The following TSEN2 variants were observed in gnomAD, a reference collection of about 807,000 sequenced individuals.
The protein encoded by TSEN2 is tRNA-splicing endonuclease subunit Sen2.
TSEN2 carries 54 observed loss-of-function variants against 59.2 expected under a neutral mutation model. The observed-to-expected ratio is 0.91, with a 90% CI of 0.73 to 1.14. The LOEUF is 1.14. Among genes scored for constraint, TSEN2 ranks in the 50% most tolerant of loss-of-function variants. TSEN2 has a pLI of 0.00. For synonymous variants in TSEN2, 195 were observed against 198.2 expected, an observed-to-expected ratio of 0.98 and a Z score of 0.14; for missense variants, 636 against 576.2, an observed-to-expected ratio of 1.10 and a Z score of -1.06.
At chr3:12,518,687 A>G (rs1024528493) in intron 7 of TSEN2, among the ~76,000 whole-genome samples, 2 of 148,438 alleles carry the variant, frequency 1.3e-5, no homozygotes, top group Non-Finnish European at 3.0e-5. Context: ...AAGATATTGA[A>G]ATAGTTTATA....
At chr3:12,509,900 C>G (rs184154429) in intron 6 of TSEN2, among the ~76,000 whole-genome samples, 166 of 152,184 alleles carry the variant, frequency 1.1e-3, no homozygotes, top group African/African-American at 3.6e-3. Context: ...ATTCAGATGC[C>G]GAAGGGTAAT....
chr3:12,503,329 C>T lies in TSEN2; in HGVS notation c.376C>T (p.Arg126Cys), dbSNP rs151133206. Residue 126 changes from arginine to cysteine, a missense_variant, in exon 5 of 12, where the codon CGC (arginine) becomes TGC (cysteine). Arg to Cys is a radical substitution (Grantham distance 180). Coordinates refer to ENST00000284995, the MANE Select transcript of TSEN2 (RefSeq NM_025265.4). The part of the protein sequence containing the change: ...RRQGQDESTV[R>C]RILKDYTKPL... ...ACAGGGGCAGGATGAGAGTACAGTGCGCAGAATCCTCAAGGATTACACGAA... is the reference window on the plus strand; with the variant it reads ...ACAGGGGCAGGATGAGAGTACAGTGTGCAGAATCCTCAAGGATTACACGAA... The T allele has an allele frequency of 1.6e-4, 258 of 1,614,144 alleles. 1 individual carries two copies. The African/African-American group carries it at 2.0e-3, about 13-fold the overall frequency.
At chr3:12,516,531 A>G (rs2056138270) in intron 6 of TSEN2, 80 bp from the exon 7 acceptor site, 8 of 1,371,952 alleles carry the variant, frequency 5.8e-6, no homozygotes, top group Non-Finnish European at 7.3e-6. Context: ...TTTGAGGTGA[A>G]AAGAGATCAG....
chr3:12,521,802 G>A (rs1318495528), intron 8 of TSEN2, among the ~76,000 whole-genome samples: 2 of 152,200 alleles, frequency 1.3e-5, no homozygotes, highest in Non-Finnish European at 2.9e-5. Context: ...ATGAGGTCAG[G>A]AGATCGAGAC....
chr3:12,516,438 CAAAAT>C (rs2056100687), intron 6 of TSEN2, among the ~76,000 whole-genome samples, 168 bp from the exon 7 acceptor site: 1 of 81,236 alleles, frequency 1.2e-5, no homozygotes, highest in African/African-American at 4.0e-5. Context: ...AACAAACAAA[CAAAAT>C]ATATGTGTGT....
intron 5 of TSEN2, 114 bp from the exon 6 acceptor site, chr3:12,505,035 TAACAC>T (rs1376089685): frequency 1.5e-5 from 11 of 725,932 alleles, no homozygotes; most frequent in Non-Finnish European, 9.8e-6. Flanking sequence ...TTTATAATAT[TAACAC>T]AATAGAATGT....
At chr3:12,500,588 C>T (rs746161197) in intron 4 of TSEN2, among the ~76,000 whole-genome samples, 2 of 152,242 alleles carry the variant, frequency 1.3e-5, no homozygotes, top group Non-Finnish European at 2.9e-5. Flanking sequence ...CATTCATTAA[C>T]ATCTTTTTCA....
chr3:12,491,613 A>G (rs1190374646), intron 2 of TSEN2, among the ~76,000 whole-genome samples: 2 of 152,210 alleles, frequency 1.3e-5, no homozygotes, highest in African/African-American at 4.8e-5. Flanking sequence ...AGGTGTGCTA[A>G]AAACTTACTA....
In TSEN2 at chr3:12,529,840, T is replaced by C. The variant is rs1575468711; in HGVS notation, c.1215T>C (p.Ala405=). 1.2e-6 allele frequency: 2 copies of C among 1,614,162 alleles called. No homozygotes were observed. The highest frequency in any genetic ancestry group is 1.1e-5 in the South Asian group (1 of 91,078). The change falls in exon 10 of 12, where the codon GCT becomes GCC. Residue 405 remains alanine (A), a synonymous_variant. Transcript: ENST00000284995. ...GGCCTCTCAGTTGGAAGTCCCTGGC[T>C]GCCTTGAGCAGAGTTTCCGTTAATG... ...LRRPLSWKSL[A]ALSRVSVNVS...
chr3:12,517,404 AAAAT>A (rs2056245633), intron 7 of TSEN2, among the ~76,000 whole-genome samples: 1 of 151,574 alleles, frequency 6.6e-6, no homozygotes, highest in African/African-American at 2.4e-5. Context: ...AGGCTCAGAG[AAAAT>A]AAATAATGTA....
intron 8 of TSEN2, among the ~76,000 whole-genome samples, chr3:12,527,111 C>T (rs1369348507): frequency 6.6e-6 from 1 of 152,178 alleles, no homozygotes; most frequent in Non-Finnish European, 1.5e-5. Context: ...CCAGTACACT[C>T]CATCTCAAAA....
chr3:12,492,616 A>G (rs1219286510), intron 3 of TSEN2, among the ~76,000 whole-genome samples: 1 of 152,260 alleles, frequency 6.6e-6, no homozygotes, highest in Admixed American at 6.5e-5. Context: ...TTTAATTTAT[A>G]AATGTTTTAG....
At chr3:12,511,637 G>T (rs181137830) in intron 6 of TSEN2, among the ~76,000 whole-genome samples, 1 of 150,292 alleles carries the variant, frequency 6.7e-6, no homozygotes, top group Non-Finnish European at 1.5e-5. Flanking sequence ...TACAATATTG[G>T]CTCACTGCAG....
rs1481635483 is a variant in TSEN2 at position 12,519,229 on chromosome 3, A to G, written c.1099+32A>G. On this transcript the variant is annotated intron_variant, in intron 8 of 11. Transcript: ENST00000284995. ...AATTCTTGGCGTGGTGTGTGTGAGA[A>G]TAGAGTTTATATCAGATTCACCCTA... 3 of 1,613,686 alleles carry G rather than the reference A, an allele frequency of 1.9e-6. No individual in the cohort carries two copies. In the East Asian group the frequency reaches 6.7e-5, roughly 36 times the overall value.
At chr3:12,523,302 TC>T (rs1184748836) in intron 8 of TSEN2, among the ~76,000 whole-genome samples, 1 of 152,126 alleles carries the variant, frequency 6.6e-6, no homozygotes, top group Non-Finnish European at 1.5e-5. Context: ...AAGTATGATT[TC>T]TGAGCTTTCT....
intron 9 of TSEN2, 65 bp from the exon 10 acceptor site, chr3:12,529,697 A>C: frequency 1.4e-6 from 2 of 1,464,812 alleles, no homozygotes; most frequent in East Asian, 4.6e-5. Context: ...TTGGTAGGAC[A>C]AATATTCTTT....
In TSEN2 at chr3:12,532,739, T is replaced by G; in HGVS notation, c.*18T>G. On this transcript the variant is annotated 3_prime_UTR_variant, in exon 12 of 12. Coordinates refer to ENST00000284995, the MANE Select transcript of TSEN2 (RefSeq NM_025265.4). ...ATCTTTAACAATTCAACCTCAAATT[T>G]CTAATTTCACCAACAACTATTTATT... 6.2e-7 allele frequency: 1 copy of G among 1,613,628 alleles called. No individual in the cohort carries two copies. Among genetic ancestry groups the G allele is most frequent in the Non-Finnish European group, 8.5e-7 (1 of 1,179,522 alleles).
At chr3:12,494,523 G>A (rs146421248) in intron 3 of TSEN2, among the ~76,000 whole-genome samples, 3,667 of 151,844 alleles carry the variant, frequency 0.024, 61 homozygotes, top group South Asian at 0.057. Context: ...CAGCCTCCTG[G>A]GTGAGTAGCT....
In TSEN2 at chr3:12,503,399, T is replaced by C; in HGVS notation, c.446T>C (p.Val149Ala). 6.2e-7 allele frequency: 1 copy of C among 1,614,164 alleles called. No homozygotes were observed. The highest frequency in any genetic ancestry group is 2.2e-5 in the East Asian group (1 of 44,874). ...PPVKRNEEAQ[V>A]HDKLNSGMVS... ...GTGAAAAGGAATGAAGAGGCTCAAG[T>C]GCATGACAAGCTTAACTCTGGAATG... Residue 149 changes from valine (V) to alanine (A), a missense_variant, in exon 5 of 12, where the codon GTG becomes GCG. Val to Ala is a moderately conservative substitution (Grantham distance 64). Transcript: ENST00000284995.
Sources: allele counts gnomAD v4.1 joint callset (sites outside exome capture counted in the v4.1 genomes callset), GRCh38; gene constraint gnomAD v4.1.1; transcripts MANE v1.5; gene names NCBI Gene and HGNC (gene_info 2026-07-23, HGNC 2026-07-21).